UBR4: variants seen among roughly 807,000 people sequenced by gnomAD.
UBR4 encodes the protein E3 ubiquitin-protein ligase UBR4.
Under a neutral mutation model 575.6 loss-of-function variants are expected in UBR4, and 124 were observed. The observed-to-expected ratio is 0.22, with a 90% confidence interval of 0.19 to 0.25. The LOEUF (loss-of-function observed/expected upper bound fraction) is 0.25. Among genes scored for constraint, UBR4 ranks in the 10% least tolerant of loss-of-function variants. The pLI is 1.00. For missense variants in UBR4, 4,818 were observed against 6,478.8 expected, an observed-to-expected ratio of 0.74 and a Z score of 8.80; for synonymous variants, 2,455 against 2,473.7, an observed-to-expected ratio of 0.99 and a Z score of 0.22.
At position 19,105,253 on chromosome 1, in the gene UBR4, TC is replaced by T. The variant is rs1262070473; in HGVS notation, c.12504-65del. The T allele has an allele frequency of 8.9e-5, 137 of 1,535,006 alleles. No homozygotes were observed. The South Asian group carries it at 1.6e-3, about 18-fold the overall frequency. ...CTAGCATTTCGAACAGCTCCAAGGC[TC>T]CCCTTTCTCCTCCCAATCTTTCCTA... is the stretch of plus-strand genomic sequence containing the variant. On this transcript the variant is annotated intron_variant, in intron 84 of 105. Transcript: ENST00000375254.
At chr1:19,156,465 G>GAA in intron 41 of UBR4, 42 bp from the exon 42 acceptor site, 1 of 1,598,982 alleles carries the variant, frequency 6.3e-7, no homozygotes, top group East Asian at 2.3e-5. Flanking sequence ...AAGATGATCT[G>GAA]AAAAGTGGGC....
chr1:19,087,800 G>C lies in UBR4; in HGVS notation c.14544+16C>G. The C allele has an allele frequency of 6.2e-7, 1 of 1,601,266 alleles. No homozygotes were observed. Among genetic ancestry groups the C allele is most frequent in the Non-Finnish European group, 8.5e-7 (1 of 1,172,146 alleles). On this transcript the variant is annotated intron_variant, in intron 99 of 105. Transcript: ENST00000375254. ...GGCTGGGCCCTCAGGACCGACCGTAGGCCCAGCAGCTGTACCTGGAACTTG... is the reference window on the plus strand; with the variant it reads ...GGCTGGGCCCTCAGGACCGACCGTACGCCCAGCAGCTGTACCTGGAACTTG...
At chr1:19,105,358 T>C (rs2079072573) in intron 84 of UBR4, among the ~76,000 whole-genome samples, 169 bp from the exon 85 acceptor site, 1 of 152,164 alleles carries the variant, frequency 6.6e-6, no homozygotes, top group Non-Finnish European at 1.5e-5. Flanking sequence ...CACATGGGAA[T>C]TTCCCACATC....
Position 19,101,694 on chromosome 1 carries a change from G to A in UBR4, c.12902-53C>T. Reference sequence around the variant, plus strand: ...GGAAAGAGCCTCTCCCATGGAAGGTGAAATGAGAATTCTAACTGAAGTACC... The same window carrying A: ...GGAAAGAGCCTCTCCCATGGAAGGTAAAATGAGAATTCTAACTGAAGTACC... On this transcript the variant is annotated intron_variant, in intron 87 of 105. Transcript: ENST00000375254. The A allele has an allele frequency of 1.9e-6, 3 of 1,564,242 alleles. No individual in the cohort carries two copies. The South Asian group carries it at 3.4e-5, about 18-fold the overall frequency.
intron 7 of UBR4, 54 bp from the exon 8 acceptor site, chr1:19,197,319 T>A: frequency 6.2e-7 from 1 of 1,609,036 alleles, no homozygotes; most frequent in South Asian, 1.1e-5. Flanking sequence ...ACTTCTATAA[T>A]GTGACAGTTA....
At position 19,117,829 on chromosome 1, in the gene UBR4, C is replaced by T. The variant is rs370222518; in HGVS notation, c.10623G>A (p.Pro3541=). ...PCLVCNNPEV[P]FCYIKLSSIK... is the part of the protein sequence containing the mutation. ...ATGTACAGATGTTACTTACACAGAA[C>T]GGTACTTCCGGGTTATTACACACCA... The change falls in exon 72 of 106, where the codon CCG becomes CCA. Residue 3541 remains proline, a synonymous_variant. Transcript: ENST00000375254. This position sits in a 1 kb window ranked among gnomAD's most constrained non-coding sequence, Gnocchi z 4.0. 2.8e-5 allele frequency: 45 copies of T among 1,614,024 alleles called. No homozygotes were observed. The African/African-American group carries it at 3.9e-4, about 14-fold the overall frequency.
At chr1:19,108,404 C>A (rs902508048) in intron 81 of UBR4, among the ~76,000 whole-genome samples, 6 of 151,430 alleles carry the variant, frequency 4.0e-5, no homozygotes. Flanking sequence ...CAAGCACAAG[C>A]GGAGATCCAT....
intron 103 of UBR4, 167 bp from the exon 104 acceptor site, chr1:19,078,233 T>C (rs2076150935): frequency 3.2e-6 from 2 of 619,458 alleles, no homozygotes; most frequent in African/African-American, 3.7e-5. Flanking sequence ...CAAGAACCTC[T>C]GGAGCCCTGG....
rs1299622593 is a variant in UBR4 at position 19,074,828 on chromosome 1, G to T, written c.*4C>A. On this transcript the variant is annotated 3_prime_UTR_variant, in exon 106 of 106. Transcript: ENST00000375254. ...TCTTCGCCGCCGCAGCTGCTGTGTG[G>T]TGGTCAGGGGACTGAGTTCAACAGG... 1 of 1,614,082 alleles carries T rather than the reference G, an allele frequency of 6.2e-7. No homozygotes were observed. Among genetic ancestry groups the T allele is most frequent in the South Asian group, 1.1e-5 (1 of 91,022 alleles).
Position 19,117,695 on chromosome 1 carries a change from A to G in UBR4, c.10629+128T>C. On this transcript the variant is annotated intron_variant, in intron 72 of 105. Transcript: ENST00000375254. This position sits in a 1 kb window ranked among gnomAD's most constrained non-coding sequence, Gnocchi z 4.0. ...ATTTAAGGTAATAAATGTGGCAGAT[A>G]AAAATTCCTACTATCGGTGACCAAC... 1.0e-6 allele frequency: 1 copy of G among 997,826 alleles called. No individual in the cohort carries two copies. Among genetic ancestry groups the G allele is most frequent in the Non-Finnish European group, 1.5e-6 (1 of 655,318 alleles). The allele number at this position is 997,826 out of a possible 1,614,324, so 61.8% of individuals were successfully genotyped here.
Position 19,174,221 on chromosome 1 carries a change from T to A in UBR4, c.2982+98A>T, listed in dbSNP as rs906216227. On this transcript the variant is annotated intron_variant, in intron 22 of 105. Coordinates refer to ENST00000375254, the MANE Select transcript of UBR4 (RefSeq NM_020765.3). Reference sequence around the variant, plus strand: ...AGTATCAGTCAGTTTTGCAAATCAATATTCAATAAACTGGTTACATTTCAG... The same window carrying A: ...AGTATCAGTCAGTTTTGCAAATCAAAATTCAATAAACTGGTTACATTTCAG... 5 of 1,466,804 alleles carry A rather than the reference T, an allele frequency of 3.4e-6. No individual in the cohort carries two copies. In the African/African-American group the frequency reaches 7.1e-5, roughly 21 times the overall value. 90.9% of individuals were successfully genotyped at this position (1,466,804 alleles called of 1,614,324 possible). A position where few individuals can be genotyped will look rare whatever the true frequency, so the allele number is the denominator to read the frequency against.
At position 19,113,788 on chromosome 1, in the gene UBR4, C is replaced by T; in HGVS notation, c.11368G>A (p.Ala3790Thr). ...TGCAGGATGTAACGATTCACACTGGCAGAAGTGGAGCTGATGCCCCCTGCT... is the reference window on the plus strand; with the variant it reads ...TGCAGGATGTAACGATTCACACTGGTAGAAGTGGAGCTGATGCCCCCTGCT... ...GTAGGISSTSASVNRYILQLA... is the reference protein window; with the variant it reads ...GTAGGISSTSTSVNRYILQLA... Residue 3790 changes from alanine to threonine, a missense_variant, in exon 77 of 106, where the codon GCC becomes ACC. Coordinates refer to ENST00000375254, the MANE Select transcript of UBR4 (RefSeq NM_020765.3). 1 of 1,614,232 alleles carries T rather than the reference C, an allele frequency of 6.2e-7. No homozygotes were observed. Among genetic ancestry groups the T allele is most frequent in the Non-Finnish European group, 8.5e-7 (1 of 1,180,034 alleles).
chr1:19,132,830 T>C (rs1044055224), intron 60 of UBR4, among the ~76,000 whole-genome samples: 2 of 151,938 alleles, frequency 1.3e-5, no homozygotes, highest in African/African-American at 4.8e-5. Flanking sequence ...GAGAAAAATA[T>C]ATGAACAGGC....
At chr1:19,195,274 A>ATAATAT (rs1024211540) in intron 8 of UBR4, among the ~76,000 whole-genome samples, 1 of 148,182 alleles carries the variant, frequency 6.7e-6, no homozygotes. Context: ...CAAAATAATA[A>ATAATAT]TAATAATAAT....
intron 5 of UBR4, 130 bp from the exon 6 acceptor site, chr1:19,198,179 T>C (rs2092569915): frequency 3.4e-6 from 3 of 891,460 alleles, no homozygotes; most frequent in Non-Finnish European, 5.1e-6. Flanking sequence ...CTTACTCATG[T>C]TGGAGAAAAT....
At chr1:19,164,013 T>C (rs1165565906) in intron 33 of UBR4, among the ~76,000 whole-genome samples, 186 bp from the exon 34 acceptor site, 2 of 152,176 alleles carry the variant, frequency 1.3e-5, no homozygotes, top group African/African-American at 4.8e-5. Flanking sequence ...GAATTATCAT[T>C]AACACTTGGC....
rs957093978 is a variant in UBR4, at chr1:19,177,476, C to T, written c.2622G>A (p.Val874=). 2.5e-6 allele frequency: 4 copies of T among 1,614,062 alleles called. No individual in the cohort carries two copies. The highest frequency in any genetic ancestry group is 2.5e-6 in the Non-Finnish European group (3 of 1,179,966). ...YLLHQYSKAP[V]YLFEQVQHNL... ...TGGTCTGTACCTGCTCAAATAGATA[C>T]ACAGGGGCTTTGGAGTACTGATGAA... The change falls in exon 19 of 106, where the codon GTG becomes GTA. Residue 874 remains valine, a synonymous_variant. Transcript: ENST00000375254.
At chr1:19,159,243 C>A (rs1038895174) in intron 39 of UBR4, among the ~76,000 whole-genome samples, 5 of 152,182 alleles carry the variant, frequency 3.3e-5, no homozygotes, top group Non-Finnish European at 1.5e-5. Context: ...CTTTCTATTA[C>A]TTAACTCTGC....
At chr1:19,094,754 A>G in intron 94 of UBR4, 152 bp downstream of exon 94, 2 of 1,049,694 alleles carry the variant, frequency 1.9e-6, no homozygotes, top group Non-Finnish European at 2.7e-6. Flanking sequence ...CGATACAATT[A>G]TGTCATCATT....
Sources: allele counts gnomAD v4.1 joint callset (sites outside exome capture counted in the v4.1 genomes callset), GRCh38; gene constraint gnomAD v4.1.1; non-coding constraint Gnocchi (gnomAD v3.1); transcripts MANE v1.5; gene names NCBI Gene and HGNC (gene_info 2026-07-23, HGNC 2026-07-21).